Variants in PRIMA1 observed in about 807,000 individuals in gnomAD.
PRIMA1 encodes proline rich membrane anchor 1, also known as proline-rich membrane anchor 1.
PRIMA1 carries 7 observed loss-of-function variants against 17.5 expected under a neutral mutation model. That is an observed-to-expected ratio of 0.40 (90% CI 0.23 to 0.75). The LOEUF (loss-of-function observed/expected upper bound fraction) is 0.75, where lower values mean the gene tolerates loss of function less well. Ranked by LOEUF, PRIMA1 falls within the 30% of genes least tolerant of loss-of-function variation. The pLI, the probability that PRIMA1 is intolerant of heterozygous loss-of-function variation, is 0.37. For synonymous variants in PRIMA1, 97 were observed against 77.9 expected (o/e 1.25, Z -1.29); for missense variants, 200 against 201.8 (o/e 0.99, Z 0.05).
chr14:93,737,826 A>G (rs1490414066), intron 3 of PRIMA1, among the ~76,000 whole-genome samples: 1 of 152,136 alleles, frequency 6.6e-6, no homozygotes, highest in East Asian at 1.9e-4. Context: ...GCCACGCCCC[A>G]GGCCATCCAT....
chr14:93,725,938 CAAG>C, intron 4 of PRIMA1: 2 of 456,494 alleles, frequency 4.4e-6, no homozygotes, highest in South Asian at 3.1e-5. Flanking sequence ...CTCATTAAAC[CAAG>C]AAGAGGCATT....
intron 3 of PRIMA1, among the ~76,000 whole-genome samples, chr14:93,746,531 C>T (rs1031875837): frequency 1.3e-5 from 2 of 151,752 alleles, no homozygotes; most frequent in African/African-American, 4.8e-5. Context: ...GAGGGAGTCG[C>T]GAGGGGAGAC....
intron 4 of PRIMA1, chr14:93,725,719 T>G (rs2076071085): frequency 5.9e-6 from 2 of 340,444 alleles, no homozygotes; most frequent in Non-Finnish European, 1.2e-5. Flanking sequence ...TGGCATACCG[T>G]AAGTGCTCCA....
At chr14:93,755,269 G>A (rs1001834372) in intron 3 of PRIMA1, among the ~76,000 whole-genome samples, 5 of 152,152 alleles carry the variant, frequency 3.3e-5, no homozygotes, top group East Asian at 1.9e-4. Flanking sequence ...TGCACACGCC[G>A]GGATGCTATG....
At chr14:93,773,046 T>C (rs1470599947) in intron 3 of PRIMA1, among the ~76,000 whole-genome samples, 1 of 152,104 alleles carries the variant, frequency 6.6e-6, no homozygotes, top group Non-Finnish European at 1.5e-5. Flanking sequence ...TTCTACACAT[T>C]TGGAAATTGG....
intron 3 of PRIMA1, among the ~76,000 whole-genome samples, chr14:93,771,618 AAT>A (rs1179949081): frequency 6.6e-5 from 10 of 152,212 alleles, no homozygotes; most frequent in Non-Finnish European, 1.5e-5. Context: ...AGAGAAAGAA[AAT>A]ATGTTGGTGT....
chr14:93,759,064 G>A (rs2076309977), intron 3 of PRIMA1, among the ~76,000 whole-genome samples: 1 of 152,196 alleles, frequency 6.6e-6, no homozygotes, highest in African/African-American at 2.4e-5. Flanking sequence ...AAAACAGACA[G>A]CTGTCGCTTT....
intron 4 of PRIMA1, among the ~76,000 whole-genome samples, chr14:93,728,330 A>C (rs1400274319): frequency 6.6e-6 from 1 of 152,224 alleles, no homozygotes; most frequent in African/African-American, 2.4e-5. Flanking sequence ...CCAGGCGTCG[A>C]GGGAGAGAAT....
rs1367311661 is a variant in PRIMA1, at chr14:93,726,743, A to T, written c.360-5197T>A. 6.6e-6 allele frequency among the ~76,000 whole-genome samples: 1 copy of T among 152,112 alleles called. No homozygotes were observed. The highest frequency in any genetic ancestry group is 1.5e-5 in the Non-Finnish European group (1 of 68,036). On this transcript the variant is annotated intron_variant, in intron 4 of 4. Transcript: ENST00000393140. This position sits in a 1 kb window ranked among gnomAD's most constrained non-coding sequence, Gnocchi z 4.2. The stretch of plus-strand genomic sequence containing the variant: ...TACACACACACATATATGTACACAC[A>T]GGCACATACGCATAAATGTACAAAT...
In PRIMA1 at chr14:93,737,284, A is replaced by T; in HGVS notation, c.316T>A (p.Phe106Ile). 1 of 1,614,172 alleles carries T rather than the reference A, an allele frequency of 6.2e-7. No individual in the cohort carries two copies. The highest frequency in any genetic ancestry group is 8.5e-7 in the Non-Finnish European group (1 of 1,180,036). ...IIAVCCASLV[F>I]LTVLVIICYK... ...CAAATGATGACAAGCACAGTCAGAA[A>T]CACCAGGGAGGCACAGCATACGGCA... The change falls in exon 4 of 5, where the codon TTT becomes ATT. Residue 106 changes from phenylalanine to isoleucine, a missense_variant. By Grantham distance (21) the Phe-to-Ile change is conservative. Coordinates refer to ENST00000393140, the MANE Select transcript of PRIMA1 (RefSeq NM_178013.4).
intron 4 of PRIMA1, among the ~76,000 whole-genome samples, chr14:93,731,455 G>A (rs997001891): frequency 4.6e-5 from 7 of 152,156 alleles, no homozygotes; most frequent in Non-Finnish European, 1.5e-5. Flanking sequence ...GAGCACATTT[G>A]ACATTTTAAG....
At chr14:93,771,552 A>G (rs577945706) in intron 3 of PRIMA1, among the ~76,000 whole-genome samples, 19 of 152,312 alleles carry the variant, frequency 1.2e-4, no homozygotes, top group African/African-American at 4.1e-4. Context: ...CTATCGGTGC[A>G]TGAAAGACCC....
chr14:93,784,079 C>T (rs1258962431), intron 2 of PRIMA1, among the ~76,000 whole-genome samples: 1 of 152,192 alleles, frequency 6.6e-6, no homozygotes, highest in Non-Finnish European at 1.5e-5. Context: ...TGCCTCTCAT[C>T]TAGGATTGCC....
intron 3 of PRIMA1, among the ~76,000 whole-genome samples, chr14:93,738,740 C>T (rs1193368815): frequency 6.6e-6 from 1 of 152,198 alleles, no homozygotes; most frequent in Non-Finnish European, 1.5e-5. Context: ...TTGACAAATG[C>T]ATGCACCAGT....
rs376000532 is a variant in PRIMA1 at position 93,735,379 on chromosome 14, C to T, written c.359+1862G>A. On this transcript the variant is annotated intron_variant, in intron 4 of 4. Transcript: ENST00000393140. ...GGGGCTTCCTGGTGTCCGGCTGCTCCCCTCACAGGTGCCTTGACCTAGAAT... is the reference window on the plus strand; with the variant it reads ...GGGGCTTCCTGGTGTCCGGCTGCTCTCCTCACAGGTGCCTTGACCTAGAAT... Among the ~76,000 whole-genome samples, 27 of 152,316 alleles carry T rather than the reference C, an allele frequency of 1.8e-4. 2 individuals carry two copies. Among genetic ancestry groups the T allele is most frequent in the Admixed American group, 1.0e-3 (16 of 15,310 alleles).
chr14:93,731,069 C>T (rs1391139700), intron 4 of PRIMA1, among the ~76,000 whole-genome samples: 1 of 152,162 alleles, frequency 6.6e-6, no homozygotes, highest in Non-Finnish European at 1.5e-5. Flanking sequence ...TGAGAGGAGG[C>T]ATTGTTAACC....
At chr14:93,768,093 C>CA (rs946667612) in intron 3 of PRIMA1, among the ~76,000 whole-genome samples, 11 of 151,908 alleles carry the variant, frequency 7.2e-5, no homozygotes, top group African/African-American at 9.7e-5. Context: ...ACCTCAACAA[C>CA]AAAAAAATCT....
chr14:93,747,674 GT>G (rs2076228538), intron 3 of PRIMA1, among the ~76,000 whole-genome samples: 1 of 151,298 alleles, frequency 6.6e-6, no homozygotes, highest in Non-Finnish European at 1.5e-5. Flanking sequence ...GAGTGAGTGT[GT>G]GACAGAGTAC....
chr14:93,758,681 GAC>G (rs1284780761), intron 3 of PRIMA1, among the ~76,000 whole-genome samples: 1 of 152,172 alleles, frequency 6.6e-6, no homozygotes, highest in Admixed American at 6.5e-5. Flanking sequence ...CCTGATGAAG[GAC>G]ACAGACACTC....
Sources: allele counts gnomAD v4.1 joint callset (sites outside exome capture counted in the v4.1 genomes callset), GRCh38; gene constraint gnomAD v4.1.1; non-coding constraint Gnocchi (gnomAD v3.1); transcripts MANE v1.5; gene names NCBI Gene and HGNC (gene_info 2026-07-23, HGNC 2026-07-21).